THSD4: variants seen among roughly 807,000 people sequenced by gnomAD.
THSD4 encodes the protein thrombospondin type-1 domain-containing protein 4.
Under a neutral mutation model 119.0 loss-of-function variants are expected in THSD4, and 69 were observed. The observed-to-expected ratio is 0.58, with a 90% CI of 0.48 to 0.71. The LOEUF (loss-of-function observed/expected upper bound fraction) is 0.71, where lower values mean the gene tolerates loss of function less well. Ranked by LOEUF, THSD4 falls within the 30% of genes least tolerant of loss-of-function variation. The probability of loss-of-function intolerance (pLI) is 0.00; values close to 1 mark genes in which losing one functional copy is unlikely to be tolerated. For missense variants in THSD4, 1,393 were observed against 1,391.1 expected (o/e 1.00, Z -0.02); for synonymous variants, 524 against 540.4 (o/e 0.97, Z 0.42).
At position 71,288,885 on chromosome 15, in the gene THSD4, A is replaced by G. The variant is rs147556595; in HGVS notation, c.1015+32170A>G. Among the ~76,000 whole-genome samples the G allele has an allele frequency of 1.5e-3, 228 of 152,264 alleles. 1 individual carries two copies. Among genetic ancestry groups the G allele is most frequent in the African/African-American group, 4.9e-3 (202 of 41,558 alleles). Reference sequence around the variant, plus strand: ...CTTCCGGGGATCCACGGTCTTCTGCATGGGGGATTTCTGCAGAAGGAAATA... The same window carrying G: ...CTTCCGGGGATCCACGGTCTTCTGCGTGGGGGATTTCTGCAGAAGGAAATA... On this transcript the variant is annotated intron_variant, in intron 6 of 17. Coordinates refer to ENST00000261862, the MANE Select transcript of THSD4 (RefSeq NM_024817.3).
chr15:71,522,502 A>G lies in THSD4; in HGVS notation c.1152+110679A>G, dbSNP rs181861060. On this transcript the variant is annotated intron_variant, in intron 7 of 17. Coordinates refer to ENST00000261862, the MANE Select transcript of THSD4 (RefSeq NM_024817.3). ...TCCAGGACAATAAGAGAAACATGCA[A>G]CTGCTGATTGAGTGTTTGGAAAAAT... 1.7e-3 allele frequency among the ~76,000 whole-genome samples: 261 copies of G among 152,286 alleles called. 1 individual carries two copies. Among genetic ancestry groups the G allele is most frequent in the Admixed American group, 3.5e-3 (54 of 15,292 alleles).
At chr15:71,230,786 C>T (rs1313168561) in intron 4 of THSD4, among the ~76,000 whole-genome samples, 1 of 152,220 alleles carries the variant, frequency 6.6e-6, no homozygotes, top group Non-Finnish European at 1.5e-5. Flanking sequence ...TCTGAGCTAT[C>T]TAATATTCTC....
At chr15:71,109,780 G>C (rs1408243975) in intron 1 of THSD4, among the ~76,000 whole-genome samples, 1 of 151,808 alleles carries the variant, frequency 6.6e-6, no homozygotes, top group African/African-American at 2.4e-5. Context: ...TGGCAGCACT[G>C]TCTGGTGAGC....
At chr15:71,644,162 A>G (rs1481309532) in intron 7 of THSD4, among the ~76,000 whole-genome samples, 1 of 152,216 alleles carries the variant, frequency 6.6e-6, no homozygotes, top group South Asian at 2.1e-4. Context: ...GGCTAACACC[A>G]GGGTCTAACT....
intron 7 of THSD4, among the ~76,000 whole-genome samples, chr15:71,587,773 TA>T (rs529447946): frequency 0.13 from 9,650 of 76,168 alleles, 575 homozygotes; most frequent in African/African-American, 0.31. Flanking sequence ...TAGAGTATAA[TA>T]AAAAAAAAAA....
At chr15:71,595,349 G>C (rs888975403) in intron 7 of THSD4, among the ~76,000 whole-genome samples, 1 of 152,112 alleles carries the variant, frequency 6.6e-6, no homozygotes, top group East Asian at 1.9e-4. Flanking sequence ...TTTAATGATG[G>C]GGGCTGGCCT....
intron 8 of THSD4, among the ~76,000 whole-genome samples, chr15:71,722,163 C>T (rs1023933431): frequency 9.9e-5 from 15 of 152,156 alleles, no homozygotes; most frequent in Admixed American, 2.6e-4. Flanking sequence ...CATTCCTAGC[C>T]CTGGAACTGC....
At chr15:71,214,365 A>T (rs1459537041) in intron 3 of THSD4, among the ~76,000 whole-genome samples, 1 of 152,174 alleles carries the variant, frequency 6.6e-6, no homozygotes, top group East Asian at 1.9e-4. Context: ...GCTGTTGCTC[A>T]CTGTTTGAGT....
At chr15:71,423,042 C>A (rs1346426238) in intron 7 of THSD4, among the ~76,000 whole-genome samples, 1 of 152,192 alleles carries the variant, frequency 6.6e-6, no homozygotes, top group Non-Finnish European at 1.5e-5. Flanking sequence ...CTGTAGTCAG[C>A]TTGTGGTGAA....
rs770464958 is a variant in THSD4, at chr15:71,341,378, A to G, written c.1016-70309A>G. On this transcript the variant is annotated intron_variant, in intron 6 of 17. Coordinates refer to ENST00000261862, the MANE Select transcript of THSD4 (RefSeq NM_024817.3). ...GTTCACTTGGATATGCTCAATGACC[A>G]GAGAATCTACATCTAAACCCTTAAG... is the stretch of plus-strand genomic sequence containing the variant. 5.0e-6 allele frequency: 8 copies of G among 1,611,538 alleles called. 1 individual carries two copies. Among genetic ancestry groups the G allele is most frequent in the Non-Finnish European group, 5.9e-6 (7 of 1,179,720 alleles).
chr15:71,127,778 T>C (rs1336981408), intron 1 of THSD4, among the ~76,000 whole-genome samples: 1 of 152,212 alleles, frequency 6.6e-6, no homozygotes, highest in African/African-American at 2.4e-5. Flanking sequence ...TTTCTTACTG[T>C]TGAGTTGTTT....
intron 6 of THSD4, among the ~76,000 whole-genome samples, chr15:71,359,549 C>T (rs1050788909): frequency 7.2e-5 from 11 of 152,056 alleles, no homozygotes; most frequent in African/African-American, 9.7e-5. Flanking sequence ...GGCTCACGCC[C>T]GTAATCCCAG....
chr15:71,210,508 T>C (rs80045529), intron 3 of THSD4, among the ~76,000 whole-genome samples: 2,239 of 152,262 alleles, frequency 0.015, 72 homozygotes, highest in African/African-American at 0.051. Context: ...TCTGCCTTAT[T>C]TTTCTTGCTG....
intron 3 of THSD4, among the ~76,000 whole-genome samples, chr15:71,199,959 T>C (rs1313013215): frequency 3.4e-5 from 3 of 87,300 alleles, no homozygotes; most frequent in Non-Finnish European, 5.5e-5. Context: ...CTGAATTGTC[T>C]GTTGTCTCCT....
chr15:71,559,810 T>G (rs1374188278), intron 7 of THSD4, among the ~76,000 whole-genome samples: 1 of 152,168 alleles, frequency 6.6e-6, no homozygotes, highest in African/African-American at 2.4e-5. Flanking sequence ...ATAAAGCAGC[T>G]CAGCTACATT....
chr15:71,133,610 A>C (rs558426748), intron 1 of THSD4, among the ~76,000 whole-genome samples: 2 of 152,306 alleles, frequency 1.3e-5, no homozygotes, highest in Admixed American at 1.3e-4. Flanking sequence ...GCTGTAAATC[A>C]AGCAACGAAG....
intron 7 of THSD4, among the ~76,000 whole-genome samples, chr15:71,543,513 G>T (rs1056890659): frequency 6.6e-5 from 10 of 152,190 alleles, no homozygotes; most frequent in African/African-American, 2.4e-4. Flanking sequence ...AAGCGAGGGA[G>T]TGGGAAGACC....
intron 6 of THSD4, among the ~76,000 whole-genome samples, chr15:71,332,953 C>T (rs547003280): frequency 6.6e-4 from 72 of 108,652 alleles, no homozygotes; most frequent in Non-Finnish European, 9.2e-4. Flanking sequence ...ATGTGTGGCC[C>T]CAGACAATTC....
intron 6 of THSD4, among the ~76,000 whole-genome samples, chr15:71,381,179 T>A (rs1256412463): frequency 6.6e-6 from 1 of 152,170 alleles, no homozygotes; most frequent in African/African-American, 2.4e-5. Flanking sequence ...TAAGGGAAAC[T>A]TTAAGGACTC....
Sources: gnomAD v4.1 joint callset for allele counts (sites outside exome capture counted in the v4.1 genomes callset) on GRCh38, gnomAD v4.1.1 for gene constraint, MANE v1.5 for transcripts, NCBI Gene and HGNC (gene_info 2026-07-23, HGNC 2026-07-21) for gene names.